AGBL1: variants seen among roughly 807,000 people sequenced by gnomAD.
AGBL1 encodes cytosolic carboxypeptidase 4.
In AGBL1, 130 loss-of-function variants were observed where a neutral mutation model predicts 118.9. The ratio of observed to expected loss-of-function variants is 1.09; its 90% CI spans 0.95 to 1.26. The LOEUF is 1.26. Among genes scored for constraint, AGBL1 ranks in the 50% most tolerant of loss-of-function variants. The pLI, the probability that AGBL1 is intolerant of heterozygous loss-of-function variation, is 0.00. For synonymous variants in AGBL1, 555 were observed against 478.9 expected (o/e 1.16, Z -2.08); for missense variants, 1,584 against 1,298.1 (o/e 1.22, Z -3.38).
intron 18 of AGBL1, among the ~76,000 whole-genome samples, chr15:86,499,951 A>G (rs1046802966): frequency 2.0e-5 from 3 of 151,784 alleles, no homozygotes; most frequent in African/African-American, 7.2e-5. Flanking sequence ...CAGGGAAGTC[A>G]CCTGTGAATA....
At chr15:86,643,062 C>A (rs947060796) in intron 21 of AGBL1, among the ~76,000 whole-genome samples, 2 of 152,090 alleles carry the variant, frequency 1.3e-5, no homozygotes, top group East Asian at 3.9e-4. Context: ...GGGTGGCAAA[C>A]TTTTTAGGCT....
chr15:86,981,334 C>T (rs1195772609), intron 23 of AGBL1, among the ~76,000 whole-genome samples: 1 of 152,170 alleles, frequency 6.6e-6, no homozygotes, highest in East Asian at 1.9e-4. Context: ...TTAGTTGCAT[C>T]GTACAGTCTC....
chr15:86,530,814 G>A (rs879237048), intron 19 of AGBL1, among the ~76,000 whole-genome samples: 2 of 122,434 alleles, frequency 1.6e-5, no homozygotes, highest in Non-Finnish European at 3.3e-5. Flanking sequence ...CTCACTCAAA[G>A]CCGCTCAACT....
At chr15:86,368,502 C>T (rs141704396) in intron 17 of AGBL1, among the ~76,000 whole-genome samples, 3 of 152,086 alleles carry the variant, frequency 2.0e-5, no homozygotes, top group African/African-American at 4.8e-5. Flanking sequence ...GAAATAATGT[C>T]AATTAAGAAG....
At chr15:86,366,287 AG>A (rs1056868589) in intron 17 of AGBL1, among the ~76,000 whole-genome samples, 8 of 152,202 alleles carry the variant, frequency 5.3e-5, no homozygotes, top group Admixed American at 4.6e-4. Flanking sequence ...GGTTAAGGCT[AG>A]AGAGGAACAA....
Position 86,481,834 on chromosome 15 carries a change from A to G in AGBL1, c.2556-40976A>G, listed in dbSNP as rs114168949. Among the ~76,000 whole-genome samples, 453 of 152,250 alleles carry G rather than the reference A, an allele frequency of 3.0e-3. 3 individuals carry two copies. Among genetic ancestry groups the G allele is most frequent in the African/African-American group, 9.8e-3 (407 of 41,560 alleles). ...CACCCTTCTGAAATCCCAATATAGC[A>G]TCTCTGATAGATATTGTCTGACTCA... On this transcript the variant is annotated intron_variant, in intron 18 of 22. Coordinates refer to ENST00000614907, the MANE Select transcript of AGBL1 (RefSeq NM_001386094.1).
At chr15:86,468,546 T>C (rs1438011734) in intron 18 of AGBL1, among the ~76,000 whole-genome samples, 2 of 152,224 alleles carry the variant, frequency 1.3e-5, no homozygotes, top group African/African-American at 4.8e-5. Context: ...TTGCCGTTCC[T>C]CTTCTTCTGA....
At chr15:86,818,445 A>AT (rs1379056465) in intron 22 of AGBL1, among the ~76,000 whole-genome samples, 1 of 152,156 alleles carries the variant, frequency 6.6e-6, no homozygotes, top group Non-Finnish European at 1.5e-5. Context: ...TCCTGAGGAG[A>AT]ATCTAATGCC....
intron 23 of AGBL1, among the ~76,000 whole-genome samples, chr15:86,986,343 C>T (rs566363928): frequency 6.6e-6 from 1 of 152,230 alleles, no homozygotes; most frequent in East Asian, 1.9e-4. Context: ...TTTCTGGACT[C>T]CTAGCTTGTT....
intron 6 of AGBL1, among the ~76,000 whole-genome samples, chr15:86,227,777 A>C (rs1229425941): frequency 6.6e-6 from 1 of 152,242 alleles, no homozygotes; most frequent in African/African-American, 2.4e-5. Context: ...GGTTCATAAG[A>C]GGTAAGAACA....
chr15:86,342,338 G>T (rs1332902063), intron 17 of AGBL1, among the ~76,000 whole-genome samples: 1 of 152,170 alleles, frequency 6.6e-6, no homozygotes, highest in Admixed American at 6.5e-5. Flanking sequence ...TGTACACTGT[G>T]TGAGACCCAA....
chr15:86,946,843 C>CAAAAAAAAAAAA (rs11355715), intron 23 of AGBL1, among the ~76,000 whole-genome samples: 1 of 100,148 alleles, frequency 1.0e-5, no homozygotes, highest in Non-Finnish European at 1.9e-5. Flanking sequence ...AAACTCGGTC[C>CAAAAAAAAAAAA]AAAAAAAAAA....
intron 18 of AGBL1, among the ~76,000 whole-genome samples, chr15:86,425,247 G>T (rs947313643): frequency 1.3e-5 from 2 of 152,112 alleles, no homozygotes; most frequent in African/African-American, 4.8e-5. Flanking sequence ...GCAGGACATG[G>T]ATGAAGCTGG....
intron 21 of AGBL1, among the ~76,000 whole-genome samples, chr15:86,582,632 C>T (rs1300258161): frequency 6.6e-6 from 1 of 152,020 alleles, no homozygotes; most frequent in African/African-American, 2.4e-5. Context: ...CAATGATAGA[C>T]TGGATTAAGA....
chr15:86,326,364 A>T (rs1001977574), intron 17 of AGBL1, among the ~76,000 whole-genome samples: 1 of 152,166 alleles, frequency 6.6e-6, no homozygotes, highest in Non-Finnish European at 1.5e-5. Flanking sequence ...GTTCCATTAC[A>T]TTCTTTTTTT....
At chr15:86,741,977 GT>G (rs11327636) in intron 22 of AGBL1, among the ~76,000 whole-genome samples, 30,133 of 144,340 alleles carry the variant, frequency 0.21, 3,392 homozygotes, top group African/African-American at 0.33. Context: ...ATCCACTGGA[GT>G]TTTTTTTTTT....
At chr15:86,923,193 G>A (rs993459204) in intron 23 of AGBL1, among the ~76,000 whole-genome samples, 11 of 152,228 alleles carry the variant, frequency 7.2e-5, no homozygotes, top group Non-Finnish European at 1.6e-4. Context: ...TAAATAGGCA[G>A]AGTGGGTAAA....
At chr15:86,873,324 A>G (rs1476884107) in intron 22 of AGBL1, among the ~76,000 whole-genome samples, 2 of 152,206 alleles carry the variant, frequency 1.3e-5, no homozygotes, top group East Asian at 3.8e-4. Context: ...TAAAGGGGTT[A>G]GTAATCTGGT....
chr15:86,758,704 G>T (rs1236294377), intron 22 of AGBL1, among the ~76,000 whole-genome samples: 3 of 151,968 alleles, frequency 2.0e-5, no homozygotes, highest in Non-Finnish European at 2.9e-5. Flanking sequence ...AGTTGTGGTG[G>T]CTCGTACCCA....
Sources: allele counts gnomAD v4.1 joint callset (sites outside exome capture counted in the v4.1 genomes callset), GRCh38; gene constraint gnomAD v4.1.1; transcripts MANE v1.5; gene names NCBI Gene and HGNC (gene_info 2026-07-23, HGNC 2026-07-21).